The following FHOD3 variants were observed in gnomAD, a reference collection of about 807,000 sequenced individuals.
FHOD3 encodes formin homology 2 domain containing 3, also known as FH1/FH2 domain-containing protein 3.
A neutral mutation model predicts 173.0 loss-of-function variants in FHOD3; 90 were observed. That is an observed-to-expected ratio of 0.52 (90% confidence interval 0.44 to 0.62). FHOD3 has a LOEUF of 0.62. Ranked by LOEUF, FHOD3 falls within the 20% of genes least tolerant of loss-of-function variation. The pLI is 0.00. For missense variants in FHOD3, 1,945 were observed against 2,034.7 expected (o/e 0.96, Z 0.85); for synonymous variants, 828 against 823.0 (o/e 1.01, Z -0.10).
chr18:36,678,441 G>T (rs554652141), intron 14 of FHOD3, among the ~76,000 whole-genome samples: 1 of 149,138 alleles, frequency 6.7e-6, no homozygotes, highest in African/African-American at 2.5e-5. Flanking sequence ...GGAGGCTGAG[G>T]TGGGAGAATC....
rs189446528 is a variant in FHOD3, at chr18:36,546,419, T to A, written c.512-30032T>A. 6.3e-4 allele frequency among the ~76,000 whole-genome samples: 96 copies of A among 152,338 alleles called. No individual in the cohort carries two copies. The East Asian group carries it at 0.017, about 27-fold the overall frequency. On this transcript the variant is annotated intron_variant, in intron 5 of 28. Coordinates refer to ENST00000590592, the MANE Select transcript of FHOD3 (RefSeq NM_001281740.3). ...TGACCTGGGCCACCTTAAAGTGACT[T>A]TATGTATGTTTGCAGTATTTAGTTA...
intron 5 of FHOD3, among the ~76,000 whole-genome samples, chr18:36,567,059 G>T (rs2058291451): frequency 1.3e-5 from 2 of 152,102 alleles, no homozygotes; most frequent in Admixed American, 1.3e-4. Context: ...GTCTAGCCTG[G>T]GTGACTGGGT....
chr18:36,340,582 G>GTTTT (rs33949867), intron 1 of FHOD3, among the ~76,000 whole-genome samples: 1 of 144,632 alleles, frequency 6.9e-6, no homozygotes, highest in Non-Finnish European at 1.5e-5. Flanking sequence ...GCTTTCTCTT[G>GTTTT]TTTTTTTTTT....
chr18:36,433,348 A>G (rs977208344), intron 3 of FHOD3, among the ~76,000 whole-genome samples: 3 of 152,232 alleles, frequency 2.0e-5, no homozygotes, highest in Non-Finnish European at 4.4e-5. Context: ...AGGATTAGTC[A>G]GTAACAATTT....
chr18:36,576,922 G>A (rs2058675259), intron 6 of FHOD3, among the ~76,000 whole-genome samples: 1 of 152,098 alleles, frequency 6.6e-6, no homozygotes, highest in Admixed American at 6.5e-5. Context: ...GTGAAACCCT[G>A]TCTCTACTAA....
intron 5 of FHOD3, among the ~76,000 whole-genome samples, chr18:36,575,814 A>G (rs2058627451): frequency 6.6e-6 from 1 of 152,192 alleles, no homozygotes. Context: ...GAGAATAATG[A>G]TGGTATATGG....
intron 17 of FHOD3, among the ~76,000 whole-genome samples, chr18:36,699,365 G>A (rs562873781): frequency 6.6e-6 from 1 of 152,272 alleles, no homozygotes; most frequent in Non-Finnish European, 1.5e-5. Flanking sequence ...CAAGTTTGCT[G>A]CATCTGGAGA....
chr18:36,401,204 T>C (rs1018126008), intron 3 of FHOD3, among the ~76,000 whole-genome samples: 2 of 152,022 alleles, frequency 1.3e-5, no homozygotes, highest in Non-Finnish European at 2.9e-5. Context: ...GAGGTGAAGG[T>C]TCCACCCTCA....
At chr18:36,721,829 A>G (rs1301146287) in intron 19 of FHOD3, among the ~76,000 whole-genome samples, 2 of 152,192 alleles carry the variant, frequency 1.3e-5, no homozygotes, top group South Asian at 2.1e-4. Context: ...ATTAAGTACA[A>G]TAAATAAAAT....
chr18:36,315,265 G>C (rs2044061030), intron 1 of FHOD3, among the ~76,000 whole-genome samples: 1 of 152,230 alleles, frequency 6.6e-6, no homozygotes, highest in African/African-American at 2.4e-5. Context: ...CTTATGTTTA[G>C]TGAGTTTCAT....
Position 36,562,126 on chromosome 18 carries a change from C to A in FHOD3, c.512-14325C>A, listed in dbSNP as rs537637458. Among the ~76,000 whole-genome samples the A allele has an allele frequency of 3.9e-5, 6 of 152,250 alleles. No individual in the cohort carries two copies. In the South Asian group the frequency reaches 1.0e-3, roughly 26 times the overall value. On this transcript the variant is annotated intron_variant, in intron 5 of 28. Coordinates refer to ENST00000590592, the MANE Select transcript of FHOD3 (RefSeq NM_001281740.3). Reference sequence around the variant, plus strand: ...CCGCCTCCCGGATTCAAGTGATTCTCCTGCCTCAGCCTCCCAAGTAGCTGG... The same window carrying A: ...CCGCCTCCCGGATTCAAGTGATTCTACTGCCTCAGCCTCCCAAGTAGCTGG...
In FHOD3 at chr18:36,482,846, CTCACACACACACAG is replaced by C. The variant is rs1259750772; in HGVS notation, c.338-19085_338-19072del. On this transcript the variant is annotated intron_variant, in intron 3 of 28. Transcript: ENST00000590592. ...AAACACACACACACACACACACACA[CTCACACACACACAG>C]AGAGAGAGAGAGAGAGAGAGAGAGA... 1.1e-3 allele frequency among the ~76,000 whole-genome samples: 58 copies of C among 54,470 alleles called. 1 individual carries two copies. Among genetic ancestry groups the C allele is most frequent in the African/African-American group, 3.6e-3 (56 of 15,420 alleles). The allele number at this position is 54,470 out of a possible 152,430, so 35.7% of individuals were successfully genotyped here.
intron 6 of FHOD3, among the ~76,000 whole-genome samples, chr18:36,586,352 G>A (rs574788529): frequency 6.6e-6 from 1 of 152,294 alleles, no homozygotes; most frequent in Admixed American, 6.5e-5. Context: ...CTGCCAACTG[G>A]AAAAGTACCC....
At chr18:36,556,830 C>T (rs1372871016) in intron 5 of FHOD3, among the ~76,000 whole-genome samples, 1 of 152,140 alleles carries the variant, frequency 6.6e-6, no homozygotes, top group Non-Finnish European at 1.5e-5. Context: ...TTTGCATATG[C>T]CCAAAGGATT....
At chr18:36,711,887 G>C (rs1219131253) in intron 18 of FHOD3, among the ~76,000 whole-genome samples, 3 of 152,198 alleles carry the variant, frequency 2.0e-5, no homozygotes, top group Non-Finnish European at 4.4e-5. Flanking sequence ...TGAAAAACCT[G>C]ACCCAGAGTC....
chr18:36,392,144 C>G (rs570459548), intron 3 of FHOD3, among the ~76,000 whole-genome samples: 1 of 152,270 alleles, frequency 6.6e-6, no homozygotes, highest in Admixed American at 6.5e-5. Flanking sequence ...CGATTTCTCA[C>G]CAGCTCCATT....
Position 36,740,981 on chromosome 18 carries a change from T to A in FHOD3, c.3759+143T>A, listed in dbSNP as rs1241344465. 9.3e-6 allele frequency: 7 copies of A among 756,494 alleles called. No individual in the cohort carries two copies. The East Asian group carries it at 1.7e-4, about 19-fold the overall frequency. 46.9% of individuals were successfully genotyped at this position (756,494 alleles called of 1,614,324 possible). A position where few individuals can be genotyped will look rare whatever the true frequency, so the allele number is the denominator to read the frequency against. Reference sequence around the variant, plus strand: ...GAATTGACAATGAGGAGGTCGTGTGTACACCAAGTGATCAGCAGCTGGCCA... The same window carrying A: ...GAATTGACAATGAGGAGGTCGTGTGAACACCAAGTGATCAGCAGCTGGCCA... On this transcript the variant is annotated intron_variant, in intron 21 of 28. Coordinates refer to ENST00000590592, the MANE Select transcript of FHOD3 (RefSeq NM_001281740.3).
At chr18:36,502,269 T>C (rs1486755442) in intron 4 of FHOD3, among the ~76,000 whole-genome samples, 3 of 144,230 alleles carry the variant, frequency 2.1e-5, no homozygotes, top group African/African-American at 7.4e-5. Flanking sequence ...ATTATTATAC[T>C]TTAAGTTCTG....
Position 36,443,064 on chromosome 18 carries a change from T to C in FHOD3, c.338-58868T>C, listed in dbSNP as rs149522950. On this transcript the variant is annotated intron_variant, in intron 3 of 28. Transcript: ENST00000590592. ...AATTGTCATGCCCTTCTCAGTTCAT[T>C]GTATATGGAGGTACGTGTTGCCAAT... 2.0e-4 allele frequency among the ~76,000 whole-genome samples: 30 copies of C among 152,318 alleles called. No homozygotes were observed. The East Asian group carries it at 4.8e-3, about 25-fold the overall frequency.
Sources: allele counts gnomAD v4.1 joint callset (sites outside exome capture counted in the v4.1 genomes callset), GRCh38; gene constraint gnomAD v4.1.1; transcripts MANE v1.5; gene names NCBI Gene and HGNC (gene_info 2026-07-23, HGNC 2026-07-21).